ADCY2: variants seen among roughly 807,000 people sequenced by gnomAD.
The protein encoded by ADCY2 is adenylate cyclase type 2.
In ADCY2, 31 loss-of-function variants were observed where a neutral mutation model predicts 125.2. The observed-to-expected ratio is 0.25, with a 90% CI of 0.19 to 0.33. The LOEUF (loss-of-function observed/expected upper bound fraction) is 0.33, where lower values mean the gene tolerates loss of function less well. Among genes scored for constraint, ADCY2 ranks in the 10% least tolerant of loss-of-function variants. ADCY2 has a pLI of 1.00. For synonymous variants in ADCY2, 512 were observed against 548.4 expected (o/e 0.93, Z 0.93); for missense variants, 904 against 1,418.2 (o/e 0.64, Z 5.82).
At chr5:7,762,916 A>G (rs1360457268) in intron 16 of ADCY2, among the ~76,000 whole-genome samples, 1 of 152,162 alleles carries the variant, frequency 6.6e-6, no homozygotes, top group Admixed American at 6.5e-5. Flanking sequence ...ACGGGGAAGA[A>G]CATTTAATTT....
intron 5 of ADCY2, among the ~76,000 whole-genome samples, chr5:7,693,996 TAAGTCAGCGTGG>T (rs1236557219): frequency 6.6e-6 from 1 of 152,164 alleles, no homozygotes; most frequent in Non-Finnish European, 1.5e-5. Context: ...CCTGCCACTA[TAAGTCAGCGTGG>T]AAGAAAAGAA....
At chr5:7,637,083 T>G (rs1431437335) in intron 4 of ADCY2, among the ~76,000 whole-genome samples, 1 of 152,222 alleles carries the variant, frequency 6.6e-6, no homozygotes, top group Non-Finnish European at 1.5e-5. Context: ...ATTTCTAATT[T>G]ATTATATTAC....
chr5:7,657,988 C>T (rs1234460773), intron 4 of ADCY2: 2 of 152,284 alleles, frequency 1.3e-5, no homozygotes, highest in Non-Finnish European at 2.9e-5. Flanking sequence ...GTCGCAGACC[C>T]AGACCCCCAG....
chr5:7,722,883 C>T (rs1360798300), intron 12 of ADCY2, among the ~76,000 whole-genome samples: 1 of 145,990 alleles, frequency 6.8e-6, no homozygotes, highest in Non-Finnish European at 1.5e-5. Flanking sequence ...TCGCTTGAAC[C>T]CGGGAGGCAG....
At chr5:7,606,244 C>T (rs914316314) in intron 3 of ADCY2, among the ~76,000 whole-genome samples, 3 of 151,970 alleles carry the variant, frequency 2.0e-5, no homozygotes, top group East Asian at 1.9e-4. Flanking sequence ...TGTTTTACTT[C>T]GATAAAAATG....
chr5:7,670,524 G>T lies in ADCY2; in HGVS notation c.721-20167G>T, dbSNP rs865782376. Among the ~76,000 whole-genome samples, 14 of 152,214 alleles carry T rather than the reference G, an allele frequency of 9.2e-5. No homozygotes were observed. The South Asian group carries it at 1.2e-3, about 14-fold the overall frequency. On this transcript the variant is annotated intron_variant, in intron 4 of 24. Transcript: ENST00000338316. Reference sequence around the variant, plus strand: ...CCTTATAACAGAAAACAAAAACTTGGTTTATATACTAGAAATATATGCTCA... The same window carrying T: ...CCTTATAACAGAAAACAAAAACTTGTTTTATATACTAGAAATATATGCTCA...
At chr5:7,450,000 A>T (rs1319547399) in intron 2 of ADCY2, among the ~76,000 whole-genome samples, 1 of 152,124 alleles carries the variant, frequency 6.6e-6, no homozygotes, top group African/African-American at 2.4e-5. Flanking sequence ...TGCTCCACTG[A>T]CCAGCTGTTC....
At chr5:7,708,262 A>C (rs1192899488) in intron 9 of ADCY2, 3 of 154,512 alleles carry the variant, frequency 1.9e-5, no homozygotes, top group Non-Finnish European at 4.3e-5. Flanking sequence ...ACAAAAAAAG[A>C]AGAGAAGAAA....
At chr5:7,718,202 G>A (rs1285834308) in intron 12 of ADCY2, among the ~76,000 whole-genome samples, 2 of 143,230 alleles carry the variant, frequency 1.4e-5, no homozygotes, top group Non-Finnish European at 3.0e-5. Context: ...AGGCTGGAGT[G>A]CAGTGGCACG....
intron 2 of ADCY2, among the ~76,000 whole-genome samples, chr5:7,473,822 C>T (rs1462701565): frequency 6.6e-6 from 1 of 152,172 alleles, no homozygotes; most frequent in Non-Finnish European, 1.5e-5. Context: ...TTGGTGGAGG[C>T]CTGTGGAGAA....
intron 10 of ADCY2, 26 bp from the exon 11 acceptor site, chr5:7,712,830 A>G: frequency 6.4e-7 from 1 of 1,557,872 alleles, no homozygotes; most frequent in Non-Finnish European, 8.8e-7. Flanking sequence ...TGTTTTGACA[A>G]TTAATAACCT....
At chr5:7,492,864 C>T (rs990792219) in intron 2 of ADCY2, among the ~76,000 whole-genome samples, 3 of 152,146 alleles carry the variant, frequency 2.0e-5, no homozygotes, top group South Asian at 2.1e-4. Flanking sequence ...GATTGGGGCT[C>T]TTCCACCTGC....
chr5:7,788,265 C>T (rs533175058), intron 19 of ADCY2, among the ~76,000 whole-genome samples: 1 of 152,152 alleles, frequency 6.6e-6, no homozygotes, highest in East Asian at 1.9e-4. Flanking sequence ...CTGCAACCTC[C>T]ACCTCCTGGG....
chr5:7,404,037 A>G (rs1055633165), intron 1 of ADCY2, among the ~76,000 whole-genome samples: 6 of 151,812 alleles, frequency 4.0e-5, no homozygotes, highest in African/African-American at 1.2e-4. Flanking sequence ...CTTCTGCTTC[A>G]GTGTCTTTGA....
rs78497109 is a variant in ADCY2 at position 7,678,330 on chromosome 5, G to A, written c.721-12361G>A. Among the ~76,000 whole-genome samples the A allele has an allele frequency of 9.1e-3, 1,381 of 152,252 alleles. 15 individuals are homozygous for A. Among genetic ancestry groups the A allele is most frequent in the African/African-American group, 0.031 (1,291 of 41,530 alleles). The stretch of plus-strand genomic sequence containing the variant: ...GCGTTCAACGATGTGATTAACATGA[G>A]CGCTTGGACTTGTACCTACAGAATA... On this transcript the variant is annotated intron_variant, in intron 4 of 24. Transcript: ENST00000338316.
intron 2 of ADCY2, among the ~76,000 whole-genome samples, chr5:7,486,387 T>C (rs1308075072): frequency 6.6e-6 from 1 of 152,232 alleles, no homozygotes; most frequent in African/African-American, 2.4e-5. Flanking sequence ...TCCCTGATAC[T>C]TGGTTTATAA....
Position 7,734,103 on chromosome 5 carries a change from G to C in ADCY2, c.1871+6842G>C, listed in dbSNP as rs142240549. On this transcript the variant is annotated intron_variant, in intron 14 of 24. Transcript: ENST00000338316. Reference sequence around the variant, plus strand: ...ATTGAAAGAAAAGTTTGCTTCCTTTGGTTCTTATCATTCTGACTGAATCCC... The same window carrying C: ...ATTGAAAGAAAAGTTTGCTTCCTTTCGTTCTTATCATTCTGACTGAATCCC... Among the ~76,000 whole-genome samples the C allele has an allele frequency of 4.3e-4, 65 of 152,130 alleles. 1 individual carries two copies. The highest frequency in any genetic ancestry group is 1.5e-3 in the African/African-American group (61 of 41,496).
intron 3 of ADCY2, among the ~76,000 whole-genome samples, chr5:7,572,921 T>C (rs756399111): frequency 3.9e-5 from 6 of 152,146 alleles, no homozygotes; most frequent in Non-Finnish European, 8.8e-5. Context: ...TAGGACTATA[T>C]TTGGAGATTG....
intron 4 of ADCY2, among the ~76,000 whole-genome samples, chr5:7,653,250 T>C (rs563364787): frequency 9.6e-4 from 146 of 152,300 alleles, no homozygotes; most frequent in African/African-American, 3.4e-3. Context: ...GAGCAGGCAG[T>C]GTGGACTCGA....
Sources: allele counts gnomAD v4.1 joint callset (sites outside exome capture counted in the v4.1 genomes callset), GRCh38; gene constraint gnomAD v4.1.1; transcripts MANE v1.5; gene names NCBI Gene and HGNC (gene_info 2026-07-23, HGNC 2026-07-21).